The following EYA1 variants were observed in gnomAD, a reference collection of about 807,000 sequenced individuals.
The protein encoded by EYA1 is protein phosphatase EYA1.
In EYA1, 16 loss-of-function variants were observed where a neutral mutation model predicts 82.0. The observed-to-expected ratio is 0.20, with a 90% CI of 0.13 to 0.30. The LOEUF (loss-of-function observed/expected upper bound fraction) is 0.30, where lower values mean the gene tolerates loss of function less well. Ranked by LOEUF, EYA1 falls within the 10% of genes least tolerant of loss-of-function variation. EYA1 has a pLI of 1.00. For missense variants in EYA1, 633 were observed against 730.7 expected, an observed-to-expected ratio of 0.87 and a Z score of 1.54; for synonymous variants, 261 against 264.4, an observed-to-expected ratio of 0.99 and a Z score of 0.12.
At chr8:71,360,932 C>T (rs1336150149) in intron 1 of EYA1, among the ~76,000 whole-genome samples, 4 of 152,168 alleles carry the variant, frequency 2.6e-5, no homozygotes, top group Non-Finnish European at 5.9e-5. Flanking sequence ...ATTAACAATT[C>T]ATATACTGAT....
At chr8:71,452,830 C>T (rs1157481083) in intron 2 of EYA1, among the ~76,000 whole-genome samples, 1 of 152,134 alleles carries the variant, frequency 6.6e-6, no homozygotes, top group Non-Finnish European at 1.5e-5. Flanking sequence ...AAAAACAGAG[C>T]AGAAAAGCTG....
chr8:71,478,909 C>T (rs1381299308), intron 2 of EYA1, among the ~76,000 whole-genome samples: 1 of 152,158 alleles, frequency 6.6e-6, no homozygotes, highest in Non-Finnish European at 1.5e-5. Flanking sequence ...GAGCATCTAC[C>T]ATGCATCAGG....
At chr8:71,530,467 C>T (rs1814173991) in intron 2 of EYA1, among the ~76,000 whole-genome samples, 1 of 152,166 alleles carries the variant, frequency 6.6e-6, no homozygotes, top group South Asian at 2.1e-4. Context: ...AATAAAGATG[C>T]TCGGCTTTAA....
intron 7 of EYA1, among the ~76,000 whole-genome samples, chr8:71,313,986 A>T (rs1055921871): frequency 2.6e-5 from 4 of 152,238 alleles, no homozygotes; most frequent in East Asian, 1.9e-4. Context: ...ATAACTAGTC[A>T]TCATACCTTA....
intron 2 of EYA1, among the ~76,000 whole-genome samples, chr8:71,459,012 T>A (rs145773642): frequency 6.6e-6 from 1 of 151,766 alleles, no homozygotes; most frequent in South Asian, 2.1e-4. Context: ...CTAAACTAGA[T>A]AGGGAGGGAA....
intron 2 of EYA1, among the ~76,000 whole-genome samples, chr8:71,485,647 CTTTG>C (rs1423753510): frequency 9.9e-5 from 15 of 152,108 alleles, no homozygotes; most frequent in Admixed American, 9.2e-4. Context: ...TGGAATATGG[CTTTG>C]TTTTTCTTTA....
chr8:71,229,247 T>C (rs1296143016), intron 12 of EYA1, among the ~76,000 whole-genome samples: 1 of 151,954 alleles, frequency 6.6e-6, no homozygotes, highest in Non-Finnish European at 1.5e-5. Flanking sequence ...TCCATTAAGT[T>C]TTTATTGGTT....
In EYA1 at chr8:71,394,223, T is replaced by G. The variant is rs967002498; in HGVS notation, c.34-37712A>C. The stretch of plus-strand genomic sequence containing the variant: ...GTCAGATGGGTAGATTGTAAAAATT[T>G]TCTCCCATTCTGTAGGTTGCCTATT... On this transcript the variant is annotated intron_variant, in intron 2 of 18. Transcript: ENST00000643681. Among the ~76,000 whole-genome samples the G allele has an allele frequency of 5.9e-5, 9 of 152,230 alleles. No homozygotes were observed. The South Asian group carries it at 1.0e-3, about 18-fold the overall frequency.
At chr8:71,341,258 C>T (rs1825095932) in intron 3 of EYA1, among the ~76,000 whole-genome samples, 1 of 152,044 alleles carries the variant, frequency 6.6e-6, no homozygotes, top group African/African-American at 2.4e-5. Flanking sequence ...TTAAAAGGAC[C>T]CTTTATAAAG....
intron 10 of EYA1, among the ~76,000 whole-genome samples, chr8:71,271,354 G>A (rs1179137945): frequency 6.6e-6 from 1 of 152,140 alleles, no homozygotes; most frequent in Non-Finnish European, 1.5e-5. Context: ...TAGTCACCCT[G>A]TTGTGCTATC....
intron 11 of EYA1, among the ~76,000 whole-genome samples, chr8:71,263,092 T>C (rs1256666697): frequency 6.6e-6 from 1 of 152,200 alleles, no homozygotes; most frequent in East Asian, 1.9e-4. Flanking sequence ...TTTCATTCGT[T>C]GGTCAAATAG....
intron 9 of EYA1, among the ~76,000 whole-genome samples, chr8:71,285,058 A>G (rs994062403): frequency 3.9e-5 from 6 of 152,230 alleles, no homozygotes; most frequent in African/African-American, 1.4e-4. Flanking sequence ...ATAGAACCCA[A>G]TGGTACTTTG....
chr8:71,396,240 C>A (rs1212676136), intron 2 of EYA1, among the ~76,000 whole-genome samples: 1 of 152,004 alleles, frequency 6.6e-6, no homozygotes, highest in African/African-American at 2.4e-5. Context: ...TTCAAAAAAC[C>A]AGCTCCTGGA....
At chr8:71,208,696 T>G (rs1489718916) in intron 17 of EYA1, among the ~76,000 whole-genome samples, 1 of 151,544 alleles carries the variant, frequency 6.6e-6, no homozygotes, top group East Asian at 2.0e-4. Context: ...ACCTGCACAT[T>G]GTGCACATGT....
chr8:71,515,524 G>A (rs1812908532), intron 2 of EYA1, among the ~76,000 whole-genome samples: 1 of 151,884 alleles, frequency 6.6e-6, no homozygotes, highest in African/African-American at 2.4e-5. Flanking sequence ...TGTTACTAGT[G>A]ATAAAGTTCA....
chr8:71,526,444 C>T (rs1813821498), intron 2 of EYA1, among the ~76,000 whole-genome samples: 1 of 152,108 alleles, frequency 6.6e-6, no homozygotes, highest in South Asian at 2.1e-4. Flanking sequence ...TTATCTCACA[C>T]AAATTTTGAG....
chr8:71,376,740 T>A (rs778246711), intron 2 of EYA1, among the ~76,000 whole-genome samples: 8 of 152,162 alleles, frequency 5.3e-5, no homozygotes, highest in Non-Finnish European at 1.0e-4. Flanking sequence ...TTGACTGTCA[T>A]CTCCATTCTT....
chr8:71,393,605 T>G (rs1260160888), intron 2 of EYA1, among the ~76,000 whole-genome samples: 1 of 152,168 alleles, frequency 6.6e-6, no homozygotes, highest in Non-Finnish European at 1.5e-5. Context: ...TTCATCCATG[T>G]CCCTACAAAG....
intron 2 of EYA1, among the ~76,000 whole-genome samples, chr8:71,506,976 A>C (rs1812238542): frequency 6.6e-6 from 1 of 152,136 alleles, no homozygotes; most frequent in Non-Finnish European, 1.5e-5. Context: ...AAAAATCAAC[A>C]AATAATAGAC....
Sources: gnomAD v4.1 joint callset for allele counts (sites outside exome capture counted in the v4.1 genomes callset) on GRCh38, gnomAD v4.1.1 for gene constraint, MANE v1.5 for transcripts, NCBI Gene and HGNC (gene_info 2026-07-23, HGNC 2026-07-21) for gene names.